ARK2C: variants seen among roughly 807,000 people sequenced by gnomAD.
ARK2C encodes E3 ubiquitin-protein ligase ARK2C.
chr18:46,405,572 G>A, the ARK2C span, among the ~76,000 whole-genome samples: 1 of 152,158 alleles, frequency 6.6e-6, no homozygotes, highest in African/African-American at 2.4e-5. Context: ...GAAGGAGACA[G>A]CGCAAGAGGA....
chr18:46,358,550 C>A, the ARK2C span, among the ~76,000 whole-genome samples: 1 of 152,184 alleles, frequency 6.6e-6, no homozygotes, highest in Non-Finnish European at 1.5e-5. Flanking sequence ...GCCTCAGCCT[C>A]CCTCTGTGAC....
the ARK2C span, chr18:46,433,297 C>A: frequency 1.9e-6 from 3 of 1,611,546 alleles, no homozygotes; most frequent in African/African-American, 2.7e-5. Context: ...GCTGGCCCAC[C>A]CCGTGCAGTC....
the ARK2C span, among the ~76,000 whole-genome samples, chr18:46,365,432 G>T: frequency 2.0e-5 from 3 of 152,176 alleles, no homozygotes; most frequent in African/African-American, 7.2e-5. Flanking sequence ...CAAGAATCTG[G>T]CTCTTGATAT....
chr18:46,455,027 G>A, the ARK2C span, among the ~76,000 whole-genome samples: 12 of 152,152 alleles, frequency 7.9e-5, 1 homozygote, highest in South Asian at 1.5e-3. Flanking sequence ...TCTACATAAC[G>A]GTAAACTATT....
the ARK2C span, among the ~76,000 whole-genome samples, chr18:46,361,443 T>C: frequency 6.6e-6 from 1 of 152,188 alleles, no homozygotes; most frequent in African/African-American, 2.4e-5. Context: ...TAACTGAGTA[T>C]GGCAGGCACA....
At chr18:46,352,835 A>G in the ARK2C span, among the ~76,000 whole-genome samples, 1 of 152,226 alleles carries the variant, frequency 6.6e-6, no homozygotes, top group East Asian at 1.9e-4. Flanking sequence ...TTACCGTAGA[A>G]GGAGAGAACA....
the ARK2C span, among the ~76,000 whole-genome samples, chr18:46,353,323 G>A: frequency 1.3e-5 from 2 of 152,142 alleles, no homozygotes; most frequent in Non-Finnish European, 2.9e-5. Context: ...GGATGTCATC[G>A]TGACCTCCTC....
At chr18:46,423,617 A>G in the ARK2C span, among the ~76,000 whole-genome samples, 2 of 152,118 alleles carry the variant, frequency 1.3e-5, no homozygotes, top group African/African-American at 4.8e-5. Context: ...AGGCCGTGAC[A>G]CTGATGTGGC....
the ARK2C span, among the ~76,000 whole-genome samples, chr18:46,416,459 G>C: frequency 1.3e-5 from 2 of 152,206 alleles, no homozygotes; most frequent in Non-Finnish European, 2.9e-5. Context: ...ACAATACAGG[G>C]ACTTTTCTCT....
the ARK2C span, among the ~76,000 whole-genome samples, chr18:46,454,547 A>G: frequency 1.3e-5 from 2 of 152,216 alleles, no homozygotes; most frequent in Non-Finnish European, 2.9e-5. Context: ...AGAGCAGAAC[A>G]AATAGATTTT....
the ARK2C span, among the ~76,000 whole-genome samples, chr18:46,351,191 C>A: frequency 2.0e-5 from 3 of 152,260 alleles, no homozygotes; most frequent in East Asian, 3.9e-4. Flanking sequence ...CCACTGGAGT[C>A]GACACTAAAT....
the ARK2C span, among the ~76,000 whole-genome samples, chr18:46,429,985 C>G: frequency 3.3e-5 from 5 of 152,162 alleles, no homozygotes; most frequent in Non-Finnish European, 5.9e-5. Context: ...TCCTCCAGAT[C>G]TCCTCCCAGA....
At chr18:46,350,098 A>G in the ARK2C span, among the ~76,000 whole-genome samples, 1 of 152,200 alleles carries the variant, frequency 6.6e-6, no homozygotes, top group African/African-American at 2.4e-5. Context: ...CATGATACAT[A>G]CCCAGAGAAA....
the ARK2C span, among the ~76,000 whole-genome samples, chr18:46,424,721 G>A: frequency 1.3e-5 from 2 of 152,210 alleles, no homozygotes; most frequent in African/African-American, 4.8e-5. Context: ...CATCACTGCA[G>A]GTCACAAGTC....
chr18:46,334,399 G>T, the ARK2C span: 1 of 1,439,730 alleles, frequency 6.9e-7, no homozygotes. This position sits in a 1 kb window ranked among gnomAD's most constrained non-coding sequence, Gnocchi z 4.4. Flanking sequence ...CGGGGCGGGG[G>T]CGGGCGCCGC....
At chr18:46,381,128 T>G in the ARK2C span, among the ~76,000 whole-genome samples, 1 of 152,222 alleles carries the variant, frequency 6.6e-6, no homozygotes, top group East Asian at 1.9e-4. Flanking sequence ...GCCCTCCCCA[T>G]GGAGTGAGAC....
the ARK2C span, chr18:46,461,601 T>G: frequency 7.3e-6 from 1 of 137,194 alleles, no homozygotes; most frequent in Non-Finnish European, 1.5e-5. Flanking sequence ...GCTGGGAGCG[T>G]GCACCACTGC....
At chr18:46,397,137 G>A in the ARK2C span, among the ~76,000 whole-genome samples, 7 of 152,182 alleles carry the variant, frequency 4.6e-5, no homozygotes, top group African/African-American at 1.2e-4. Context: ...GGGCCCTGCC[G>A]GAGGCGTCCC....
At chr18:46,452,808 CTTAGAG>C in the ARK2C span, among the ~76,000 whole-genome samples, 11 of 152,122 alleles carry the variant, frequency 7.2e-5, no homozygotes, top group East Asian at 3.9e-4. Context: ...CGAGAGCACT[CTTAGAG>C]TTAGAGCCAA....
Sources: allele counts gnomAD v4.1 joint callset (sites outside exome capture counted in the v4.1 genomes callset), GRCh38; gene constraint gnomAD v4.1.1; non-coding constraint Gnocchi (gnomAD v3.1); transcripts MANE v1.5; gene names NCBI Gene and HGNC (gene_info 2026-07-23, HGNC 2026-07-21).